MLLT10: variants seen among roughly 807,000 people sequenced by gnomAD.
The protein encoded by MLLT10 is MLLT10 histone lysine methyltransferase DOT1L cofactor.
A neutral mutation model predicts 129.1 loss-of-function variants in MLLT10; 30 were observed. The observed-to-expected ratio is 0.23, with a 90% CI of 0.17 to 0.32. The LOEUF (loss-of-function observed/expected upper bound fraction) is 0.32. Among genes scored for constraint, MLLT10 ranks in the 10% least tolerant of loss-of-function variants. The pLI is 1.00. For synonymous variants in MLLT10, 490 were observed against 446.4 expected, an observed-to-expected ratio of 1.10 and a Z score of -1.23; for missense variants, 1,119 against 1,268.3, an observed-to-expected ratio of 0.88 and a Z score of 1.79.
chr10:21,676,396 C>T (rs759851714), intron 11 of MLLT10, among the ~76,000 whole-genome samples: 9 of 137,302 alleles, frequency 6.6e-5, no homozygotes, highest in Non-Finnish European at 1.1e-4. Context: ...CCAGCCTGGG[C>T]GACAGAGCGA....
intron 13 of MLLT10, among the ~76,000 whole-genome samples, chr10:21,701,959 A>G (rs1279291024): frequency 6.7e-6 from 1 of 148,158 alleles, no homozygotes; most frequent in Non-Finnish European, 1.5e-5. Flanking sequence ...ACAGATACTC[A>G]CTGTATTGCC....
chr10:21,688,592 A>C, intron 13 of MLLT10: 1 of 1,515,268 alleles, frequency 6.6e-7, no homozygotes, highest in Non-Finnish European at 9.1e-7. Context: ...AATTAATCCT[A>C]TTGTAGCTTG....
At chr10:21,732,159 A>T (rs2058023317) in intron 17 of MLLT10, among the ~76,000 whole-genome samples, 1 of 152,232 alleles carries the variant, frequency 6.6e-6, no homozygotes, top group South Asian at 2.1e-4. Flanking sequence ...CCCTGAGGTC[A>T]TGTTAAACAA....
At chr10:21,667,232 A>G (rs1227796201) in intron 9 of MLLT10, among the ~76,000 whole-genome samples, 4 of 152,086 alleles carry the variant, frequency 2.6e-5, no homozygotes, top group Admixed American at 1.3e-4. Flanking sequence ...AGAAAAAAGA[A>G]AAGCCTGGTT....
At chr10:21,619,890 C>T (rs1270680397) in intron 8 of MLLT10, among the ~76,000 whole-genome samples, 1 of 150,906 alleles carries the variant, frequency 6.6e-6, no homozygotes, top group Non-Finnish European at 1.5e-5. Flanking sequence ...ATCTTTTTCT[C>T]CTTCCCTCCT....
At chr10:21,553,635 ATTTCT>A (rs2037437337) in intron 3 of MLLT10, among the ~76,000 whole-genome samples, 1 of 148,086 alleles carries the variant, frequency 6.8e-6, no homozygotes, top group African/African-American at 2.5e-5. Flanking sequence ...TGCAATTCTG[ATTTCT>A]TTTCCTTTTC....
intron 13 of MLLT10, among the ~76,000 whole-genome samples, chr10:21,712,526 C>A (rs574884327): frequency 5.3e-5 from 8 of 152,144 alleles, no homozygotes; most frequent in South Asian, 4.1e-4. Flanking sequence ...TTATTTATTT[C>A]TTTTTTCTGC....
At chr10:21,728,469 G>A (rs550758680) in intron 16 of MLLT10, among the ~76,000 whole-genome samples, 4 of 152,162 alleles carry the variant, frequency 2.6e-5, no homozygotes, top group Admixed American at 6.5e-5. Flanking sequence ...TATATTTGGG[G>A]TTATCAAACT....
chr10:21,741,587 G>C (rs992416507), intron 22 of MLLT10, among the ~76,000 whole-genome samples: 1 of 152,096 alleles, frequency 6.6e-6, no homozygotes, highest in African/African-American at 2.4e-5. Flanking sequence ...AGCAAATGTG[G>C]AATCACAGCC....
chr10:21,647,018 A>G (rs1273767233), intron 8 of MLLT10, among the ~76,000 whole-genome samples: 2 of 151,764 alleles, frequency 1.3e-5, no homozygotes, highest in African/African-American at 4.8e-5. Context: ...ACCACGCCCG[A>G]CTAATCTTTT....
chr10:21,617,228 T>C (rs1176836121), intron 8 of MLLT10, 21 bp downstream of exon 8: 1 of 1,392,422 alleles, frequency 7.2e-7, no homozygotes, highest in Non-Finnish European at 9.6e-7. Context: ...TTGTTGTTGC[T>C]AAATTTGTAG....
chr10:21,585,165 C>A (rs1352738225), intron 3 of MLLT10, among the ~76,000 whole-genome samples: 2 of 152,026 alleles, frequency 1.3e-5, no homozygotes, highest in South Asian at 2.1e-4. Flanking sequence ...CTCAAGCGAT[C>A]TACCTACCTC....
intron 3 of MLLT10, among the ~76,000 whole-genome samples, chr10:21,551,571 A>T (rs889645824): frequency 1.3e-5 from 2 of 151,904 alleles, no homozygotes; most frequent in Non-Finnish European, 2.9e-5. Context: ...TTGTTTCTTG[A>T]ATTCCTTTTC....
intron 3 of MLLT10, among the ~76,000 whole-genome samples, chr10:21,565,069 A>G (rs2039380511): frequency 1.3e-5 from 2 of 151,934 alleles, no homozygotes; most frequent in Admixed American, 6.6e-5. Context: ...GTGCATACAC[A>G]TTTAGGAATG....
intron 9 of MLLT10, among the ~76,000 whole-genome samples, chr10:21,669,503 A>G (rs923381384): frequency 6.6e-6 from 1 of 152,156 alleles, no homozygotes. Context: ...TTAGATAGAT[A>G]CAATAAAAAA....
At chr10:21,576,386 G>T (rs1306247671) in intron 3 of MLLT10, among the ~76,000 whole-genome samples, 2 of 151,604 alleles carry the variant, frequency 1.3e-5, no homozygotes. Flanking sequence ...GGGACTACAG[G>T]CACCCGCCAC....
chr10:21,718,762 C>A (rs1392895121), intron 14 of MLLT10, among the ~76,000 whole-genome samples: 10 of 152,236 alleles, frequency 6.6e-5, no homozygotes, highest in Admixed American at 6.5e-4. Context: ...CACTCTGTTG[C>A]CGAGGCTAGA....
intron 3 of MLLT10, among the ~76,000 whole-genome samples, chr10:21,564,220 A>T (rs1292114015): frequency 6.6e-6 from 1 of 152,132 alleles, no homozygotes; most frequent in South Asian, 2.1e-4. Flanking sequence ...CGTAGCTGGG[A>T]CTATGGGTGT....
chr10:21,646,110 G>A (rs190383312), intron 8 of MLLT10, among the ~76,000 whole-genome samples: 128 of 152,270 alleles, frequency 8.4e-4, no homozygotes, highest in African/African-American at 2.9e-3. Context: ...ATGGCTGTAG[G>A]CATGATAATT....
Sources: allele counts gnomAD v4.1 joint callset (sites outside exome capture counted in the v4.1 genomes callset), GRCh38; gene constraint gnomAD v4.1.1; transcripts MANE v1.5; gene names NCBI Gene and HGNC (gene_info 2026-07-23, HGNC 2026-07-21).